The following MAB21L3 variants were observed in gnomAD, a reference collection of about 807,000 sequenced individuals.
MAB21L3 encodes the protein mab-21 like 3.
A neutral mutation model predicts 37.7 loss-of-function variants in MAB21L3; 36 were observed. That is an observed-to-expected ratio of 0.96 (90% CI 0.73 to 1.26). The LOEUF is 1.26. Among genes scored for constraint, MAB21L3 ranks in the 50% most tolerant of loss-of-function variants. The pLI is 0.00. For missense variants in MAB21L3, 430 were observed against 447.3 expected, an observed-to-expected ratio of 0.96 and a Z score of 0.35; for synonymous variants, 186 against 176.8, an observed-to-expected ratio of 1.05 and a Z score of -0.41.
In MAB21L3 at chr1:116,124,336, G is replaced by GT; in HGVS notation, c.462dup (p.Arg155Ter). 6.2e-7 allele frequency: 1 copy of GT among 1,613,364 alleles called. No individual in the cohort carries two copies. Among genetic ancestry groups the GT allele is most frequent in the Admixed American group, 1.7e-5 (1 of 60,016 alleles). On this transcript the variant is annotated frameshift_variant, in exon 5 of 8. Coordinates refer to ENST00000369500, the MANE Select transcript of MAB21L3 (RefSeq NM_152367.3). LOFTEE classifies it high-confidence loss of function. Reference sequence around the variant, plus strand: ...GTTCCGGAAGCTGGTGGAAAATGCAGTTAGAACCTGTCACCTCTCAGGTGA... The same window carrying GT: ...GTTCCGGAAGCTGGTGGAAAATGCAGTTTAGAACCTGTCACCTCTCAGGTGA...
chr1:116,112,176 C>T (rs1344426927), intron 2 of MAB21L3, among the ~76,000 whole-genome samples: 2 of 152,106 alleles, frequency 1.3e-5, no homozygotes, highest in East Asian at 1.9e-4. Flanking sequence ...CTGAGTTCCA[C>T]GGTGCATCTA....
rs1345548900 is a variant in MAB21L3 at position 116,134,952 on chromosome 1, A to G, written c.*1587A>G. 5 of 152,180 alleles carry G rather than the reference A, an allele frequency of 3.3e-5. No homozygotes were observed. The East Asian group carries it at 5.8e-4, about 18-fold the overall frequency. 9.4% of individuals were successfully genotyped at this position (152,180 alleles called of 1,614,324 possible). ...AAGATAAATTTCTAAAGCATGAACTACTGATTTTGTTTTCATGAAAATTCA... is the reference window on the plus strand; with the variant it reads ...AAGATAAATTTCTAAAGCATGAACTGCTGATTTTGTTTTCATGAAAATTCA... On this transcript the variant is annotated 3_prime_UTR_variant, in exon 8 of 8. Coordinates refer to ENST00000369500, the MANE Select transcript of MAB21L3 (RefSeq NM_152367.3).
In MAB21L3 at chr1:116,128,269, T is replaced by C. The variant is rs767344650; in HGVS notation, c.785T>C (p.Val262Ala). Residue 262 changes from valine (V) to alanine (A), a missense_variant, in exon 7 of 8, where the codon GTC (valine) becomes GCC (alanine). Physicochemically the swap from Val to Ala is moderately conservative, Grantham distance 64. Transcript: ENST00000369500. ...GGCTGCCGTAGGAAGTGTTTTCAGG[T>C]CATGAGGCACCTGAAGGAGGACATC... ...DGGCRRKCFQVMRHLKEDIWC... is the reference protein window; with the variant it reads ...DGGCRRKCFQAMRHLKEDIWC... The C allele has an allele frequency of 2.5e-6, 4 of 1,613,958 alleles. No individual in the cohort carries two copies. The African/African-American group carries it at 5.3e-5, about 22-fold the overall frequency.
intron 3 of MAB21L3, among the ~76,000 whole-genome samples, chr1:116,120,083 G>C (rs1054702211): frequency 1.3e-5 from 2 of 152,114 alleles, no homozygotes; most frequent in Non-Finnish European, 2.9e-5. Context: ...TACCATGGTA[G>C]AGTCTCACCA....
rs1025682429 is a variant in MAB21L3, at chr1:116,135,794, T to C, written c.*2429T>C. 6.6e-6 allele frequency among the ~76,000 whole-genome samples: 1 copy of C among 151,886 alleles called. No homozygotes were observed. Among genetic ancestry groups the C allele is most frequent in the Non-Finnish European group, 1.5e-5 (1 of 67,864 alleles). On this transcript the variant is annotated 3_prime_UTR_variant, in exon 8 of 8. Coordinates refer to ENST00000369500, the MANE Select transcript of MAB21L3 (RefSeq NM_152367.3). ...GCTTATCCACCATGATCAAGTGGGC[T>C]TCATCCCTGGGATGCAAGGCTGGTT... is the stretch of plus-strand genomic sequence containing the variant.
chr1:116,125,275 T>C (rs565982584), intron 5 of MAB21L3, among the ~76,000 whole-genome samples: 7 of 152,334 alleles, frequency 4.6e-5, no homozygotes, highest in African/African-American at 1.7e-4. Flanking sequence ...AAGTTGTCTA[T>C]ATTTTATTTT....
In MAB21L3 at chr1:116,133,316, C is replaced by A; in HGVS notation, c.1040C>A (p.Ala347Asp). The A allele has an allele frequency of 1.9e-6, 3 of 1,614,194 alleles. No homozygotes were observed. Among genetic ancestry groups the A allele is most frequent in the Non-Finnish European group, 2.5e-6 (3 of 1,180,020 alleles). The stretch of plus-strand genomic sequence containing the variant: ...AACCCGACTGAACTGGACACTGTGG[C>A]CCAAAAGCTGGCCACCTTCCTGAAG... ...CTNPTELDTV[A>D]QKLATFLKNP... The change falls in exon 8 of 8, where the codon GCC becomes GAC. Residue 347 changes from alanine (A) to aspartate (D), a missense_variant. Physicochemically the swap from Ala to Asp is moderately radical, Grantham distance 126. Coordinates refer to ENST00000369500, the MANE Select transcript of MAB21L3 (RefSeq NM_152367.3).
chr1:116,128,153 A>G lies in MAB21L3; in HGVS notation c.669A>G (p.Gly223=), dbSNP rs10754431. 0.26 allele frequency: 408,100 copies of G among 1,582,914 alleles called. 64,411 individuals are homozygous for G. Among genetic ancestry groups the G allele is most frequent in the African/African-American group, 0.8 (59,622 of 74,746 alleles). ...QERVECIKSF[G]FNLLACSNYH... The stretch of plus-strand genomic sequence containing the variant: ...TTTTCTCTTTCTTCCAGTCGTTTGG[A>G]TTTAACTTGTTGGCCTGTTCAAATT... The change falls in exon 7 of 8, where the codon GGA becomes GGG. Residue 223 remains glycine, a synonymous_variant. Coordinates refer to ENST00000369500, the MANE Select transcript of MAB21L3 (RefSeq NM_152367.3).
In MAB21L3 at chr1:116,127,656, C is replaced by T. The variant is rs375557422; in HGVS notation, c.660+12C>T. The T allele has an allele frequency of 1.1e-5, 17 of 1,602,734 alleles. No individual in the cohort carries two copies. Among genetic ancestry groups the T allele is most frequent in the South Asian group, 5.6e-5 (5 of 89,486 alleles). Reference sequence around the variant, plus strand: ...TGGAGTGCATCAAGGTATCAGTGGGCGGGACCCAGCTTGCCAGAGCAGTGA... The same window carrying T: ...TGGAGTGCATCAAGGTATCAGTGGGTGGGACCCAGCTTGCCAGAGCAGTGA... On this transcript the variant is annotated intron_variant, in intron 6 of 7. Transcript: ENST00000369500.
chr1:116,124,089 C>T lies in MAB21L3; in HGVS notation c.213C>T (p.Leu71=), dbSNP rs767832. 24,536 of 1,607,888 alleles carry T rather than the reference C, an allele frequency of 0.015. 1,079 individuals carry two copies. The African/African-American group carries it at 0.16, about 10-fold the overall frequency. Residue 71 remains leucine, a synonymous_variant, in exon 5 of 8, where the codon CTC becomes CTT. Coordinates refer to ENST00000369500, the MANE Select transcript of MAB21L3 (RefSeq NM_152367.3). ...NIKVLAPSQF[L]VTVPIKGLAG... ...AGGTTTTGGCTCCCAGTCAGTTCCT[C>T]GTCACAGTCCCAATAAAAGGCCTGG...
At position 116,134,131 on chromosome 1, in the gene MAB21L3, A is replaced by G. The variant is rs1023508968; in HGVS notation, c.*766A>G. The G allele has an allele frequency of 6.6e-6, 1 of 152,410 alleles. No individual in the cohort carries two copies. Among genetic ancestry groups the G allele is most frequent in the African/African-American group, 2.4e-5 (1 of 41,466 alleles). The allele number at this position is 152,410 out of a possible 1,614,324, so 9.4% of individuals were successfully genotyped here. Reference sequence around the variant, plus strand: ...AAAGTACAACTCTTGGCCTGATCCCAACCATAGCCCTCTCTTTGCTTCCCA... The same window carrying G: ...AAAGTACAACTCTTGGCCTGATCCCGACCATAGCCCTCTCTTTGCTTCCCA... On this transcript the variant is annotated 3_prime_UTR_variant, in exon 8 of 8. Coordinates refer to ENST00000369500, the MANE Select transcript of MAB21L3 (RefSeq NM_152367.3).
intron 3 of MAB21L3, among the ~76,000 whole-genome samples, chr1:116,119,078 G>A (rs1309602391): frequency 2.6e-5 from 4 of 152,208 alleles, no homozygotes; most frequent in Admixed American, 2.6e-4. Flanking sequence ...CAACACAGAT[G>A]GGAAGTCCTA....
At chr1:116,121,116 G>A (rs766098453) in intron 4 of MAB21L3, 44 bp downstream of exon 4, 1 of 1,587,012 alleles carries the variant, frequency 6.3e-7, no homozygotes, top group Non-Finnish European at 8.6e-7. Flanking sequence ...ACAGAGCCAG[G>A]ACACTTGGGC....
chr1:116,116,493 C>T (rs906558230), intron 3 of MAB21L3, among the ~76,000 whole-genome samples: 1 of 152,126 alleles, frequency 6.6e-6, no homozygotes, highest in Admixed American at 6.5e-5. Flanking sequence ...ACCTAGGACT[C>T]CTTATTTCAT....
Position 116,133,448 on chromosome 1 carries a change from G to A in MAB21L3, c.*83G>A. On this transcript the variant is annotated 3_prime_UTR_variant, in exon 8 of 8. Transcript: ENST00000369500. ...TGGATGGTTCCTCAGTCAGGTGCCA[G>A]GATCCTGCCTAGGAGAAAGGCCACG... The A allele has an allele frequency of 7.7e-7, 1 of 1,293,858 alleles. No individual in the cohort carries two copies. The highest frequency in any genetic ancestry group is 1.1e-6 in the Non-Finnish European group (1 of 909,482). The allele number at this position is 1,293,858 out of a possible 1,614,324, so 80.1% of individuals were successfully genotyped here. A position where few individuals can be genotyped will look rare whatever the true frequency, so the allele number is the denominator to read the frequency against.
chr1:116,125,218 T>G (rs899363361), intron 5 of MAB21L3, among the ~76,000 whole-genome samples: 2 of 152,194 alleles, frequency 1.3e-5, no homozygotes, highest in African/African-American at 4.8e-5. Flanking sequence ...ATGGGTATTC[T>G]CATGTTGTTA....
rs1660198726 is a variant in MAB21L3 at position 116,136,339 on chromosome 1, CAGAG to C, written c.*2977_*2980del. Among the ~76,000 whole-genome samples the C allele has an allele frequency of 6.6e-6, 1 of 152,110 alleles. No individual in the cohort carries two copies. Among genetic ancestry groups the C allele is most frequent in the African/African-American group, 2.4e-5 (1 of 41,414 alleles). On this transcript the variant is annotated 3_prime_UTR_variant, in exon 8 of 8. Transcript: ENST00000369500. Reference sequence around the variant, plus strand: ...AGCATTCTTATACACCAATAACAGACAGAGAGCCAAATCATGAGTGAACTCCCAT... The same window carrying C: ...AGCATTCTTATACACCAATAACAGACAGCCAAATCATGAGTGAACTCCCAT...
At chr1:116,112,292 G>T (rs1319461846) in intron 2 of MAB21L3, 115 bp from the exon 3 acceptor site, 1 of 232,980 alleles carries the variant, frequency 4.3e-6, no homozygotes, top group Non-Finnish European at 8.6e-6. Context: ...TTGGAAAATT[G>T]CTCTCTGGTG....
chr1:116,121,000 C>A lies in MAB21L3; in HGVS notation c.117C>A (p.Thr39=). 1 of 1,614,116 alleles carries A rather than the reference C, an allele frequency of 6.2e-7. No homozygotes were observed. The highest frequency in any genetic ancestry group is 8.5e-7 in the Non-Finnish European group (1 of 1,180,016). Residue 39 remains threonine, a synonymous_variant, in exon 4 of 8, where the codon ACC becomes ACA. Transcript: ENST00000369500. The part of the protein sequence containing the change: ...EEVQKVVHHL[T]TNISNQDIRF... ...TGCAGAAAGTCGTTCATCATTTGAC[C>A]ACAAACATCAGCAACCAAGACATTA...
Sources: allele counts gnomAD v4.1 joint callset (sites outside exome capture counted in the v4.1 genomes callset), GRCh38; gene constraint gnomAD v4.1.1; transcripts MANE v1.5; gene names NCBI Gene and HGNC (gene_info 2026-07-23, HGNC 2026-07-21).